Variants in RORA observed in about 807,000 individuals in gnomAD.
RORA encodes the protein RAR related orphan receptor A.
A neutral mutation model predicts 69.5 loss-of-function variants in RORA; 7 were observed. The ratio of observed to expected loss-of-function variants is 0.10; its 90% CI spans 0.06 to 0.19. RORA has a LOEUF of 0.19. RORA is among the 10% of genes least tolerant of loss of function. The probability of loss-of-function intolerance (pLI) is 1.00; values close to 1 mark genes in which losing one functional copy is unlikely to be tolerated. For synonymous variants in RORA, 261 were observed against 240.8 expected, an observed-to-expected ratio of 1.08 and a Z score of -0.78; for missense variants, 457 against 663.0, an observed-to-expected ratio of 0.69 and a Z score of 3.41.
At chr15:61,110,955 T>C (rs1474035095) in intron 1 of RORA, among the ~76,000 whole-genome samples, 1 of 152,232 alleles carries the variant, frequency 6.6e-6, no homozygotes, top group African/African-American at 2.4e-5. Context: ...TGTTTCCTTG[T>C]GTCTTGTTTC....
chr15:61,104,621 T>A (rs952723976), intron 1 of RORA, among the ~76,000 whole-genome samples: 1 of 152,154 alleles, frequency 6.6e-6, no homozygotes, highest in East Asian at 1.9e-4. Flanking sequence ...TCCCCTCATG[T>A]TTTAGCCCAC....
intron 1 of RORA, among the ~76,000 whole-genome samples, chr15:60,990,413 C>T (rs977266797): frequency 9.9e-5 from 15 of 152,086 alleles, no homozygotes; most frequent in African/African-American, 3.1e-4. Context: ...TTTCCTACTC[C>T]TGTGCCTTTT....
intron 1 of RORA, among the ~76,000 whole-genome samples, chr15:60,809,908 T>C (rs893039794): frequency 6.6e-6 from 1 of 152,254 alleles, no homozygotes; most frequent in East Asian, 1.9e-4. Context: ...ACAAATCAGG[T>C]GTTCTATCAG....
At chr15:60,947,688 T>TAAAAAAAAAAAAAAAA (rs35887206) in intron 1 of RORA, among the ~76,000 whole-genome samples, 3 of 102,950 alleles carry the variant, frequency 2.9e-5, no homozygotes, top group East Asian at 6.7e-4. Context: ...GAATGATCAA[T>TAAAAAAAAAAAAAAAA]AAAAAAAAAA....
chr15:60,658,220 A>ACAGGTGTGCACCATCACG (rs1385909564), intron 2 of RORA, among the ~76,000 whole-genome samples: 2 of 152,018 alleles, frequency 1.3e-5, no homozygotes, highest in Non-Finnish European at 2.9e-5. Flanking sequence ...AGGTGGGATC[A>ACAGGTGTGCACCATCACG]CAGGTGTGCA....
chr15:60,745,243 C>T (rs890320625), intron 1 of RORA, among the ~76,000 whole-genome samples: 9 of 152,136 alleles, frequency 5.9e-5, no homozygotes, highest in Non-Finnish European at 8.8e-5. Flanking sequence ...TCCAGGATTC[C>T]AGCAGAATCT....
chr15:61,217,695 A>C (rs1038259609), intron 1 of RORA, among the ~76,000 whole-genome samples: 1 of 152,102 alleles, frequency 6.6e-6, no homozygotes, highest in Non-Finnish European at 1.5e-5. Flanking sequence ...GAAAGTACTC[A>C]GTAAATATAT....
At chr15:60,557,410 T>C (rs1214537630) in intron 2 of RORA, among the ~76,000 whole-genome samples, 2 of 152,028 alleles carry the variant, frequency 1.3e-5, no homozygotes, top group Non-Finnish European at 2.9e-5. Flanking sequence ...ATCACAGAGG[T>C]GGTGGTTACA....
At chr15:61,092,601 G>C (rs1416288226) in intron 1 of RORA, among the ~76,000 whole-genome samples, 1 of 152,150 alleles carries the variant, frequency 6.6e-6, no homozygotes, top group Non-Finnish European at 1.5e-5. Context: ...GTAAAAATAT[G>C]AATGAAAATG....
chr15:60,863,305 A>G (rs2073452273), intron 1 of RORA, among the ~76,000 whole-genome samples: 1 of 152,184 alleles, frequency 6.6e-6, no homozygotes. Flanking sequence ...TCATTCTAAC[A>G]CTACAATGTA....
chr15:60,584,313 G>GAGCT (rs1306037125), intron 2 of RORA, among the ~76,000 whole-genome samples: 2 of 152,210 alleles, frequency 1.3e-5, no homozygotes, highest in African/African-American at 4.8e-5. Flanking sequence ...CAGGATTTTA[G>GAGCT]AGCTAACTTA....
At chr15:61,209,973 C>T (rs1352408072) in intron 1 of RORA, among the ~76,000 whole-genome samples, 1 of 152,162 alleles carries the variant, frequency 6.6e-6, no homozygotes, top group African/African-American at 2.4e-5. Context: ...ACTTCCCCGC[C>T]ACAGAACCAG....
chr15:60,713,751 G>T (rs1426142629), intron 1 of RORA, among the ~76,000 whole-genome samples: 1 of 152,148 alleles, frequency 6.6e-6, no homozygotes, highest in Admixed American at 6.5e-5. Context: ...GTAAAGTGAA[G>T]TTAACAACAG....
intron 2 of RORA, among the ~76,000 whole-genome samples, chr15:60,646,347 A>T (rs2070046428): frequency 6.6e-6 from 1 of 152,146 alleles, no homozygotes; most frequent in Admixed American, 6.5e-5. Flanking sequence ...TTCCCCAGGG[A>T]GGGTAATTTC....
intron 1 of RORA, among the ~76,000 whole-genome samples, chr15:60,723,473 G>A (rs940805628): frequency 2.7e-5 from 4 of 150,512 alleles, no homozygotes; most frequent in Admixed American, 1.3e-4. Context: ...CACATAAGGC[G>A]CAGGGAAAAA....
At chr15:60,520,216 C>G (rs1051325254) in intron 3 of RORA, 2 of 152,042 alleles carry the variant, frequency 1.3e-5, no homozygotes, top group Admixed American at 1.3e-4. Flanking sequence ...CAGAGTCATA[C>G]CCACAAGGAG....
intron 1 of RORA, among the ~76,000 whole-genome samples, chr15:60,923,438 T>C (rs1335185640): frequency 1.3e-5 from 2 of 152,144 alleles, no homozygotes; most frequent in Admixed American, 6.5e-5. Context: ...AATGAACAGA[T>C]GAGAGTGAAA....
intron 3 of RORA, among the ~76,000 whole-genome samples, chr15:60,515,301 A>G (rs561661861): frequency 1.3e-5 from 2 of 152,222 alleles, no homozygotes; most frequent in Admixed American, 1.3e-4. Context: ...CAAGCATTAG[A>G]TAACACTTGG....
chr15:61,084,126 C>T (rs2078587398), intron 1 of RORA, among the ~76,000 whole-genome samples: 1 of 152,182 alleles, frequency 6.6e-6, no homozygotes, highest in Non-Finnish European at 1.5e-5. Flanking sequence ...CCAAGAGGGG[C>T]TATCGATGCC....
Sources: allele counts gnomAD v4.1 joint callset (sites outside exome capture counted in the v4.1 genomes callset), GRCh38; gene constraint gnomAD v4.1.1; transcripts MANE v1.5; gene names NCBI Gene and HGNC (gene_info 2026-07-23, HGNC 2026-07-21).